PHLPP1: variants seen among roughly 807,000 people sequenced by gnomAD.
The protein encoded by PHLPP1 is PH domain and leucine rich repeat protein phosphatase 1, also known as PH domain leucine-rich repeat-containing protein phosphatase 1.
PHLPP1 carries 42 observed loss-of-function variants against 117.2 expected under a neutral mutation model. The observed-to-expected ratio is 0.36, with a 90% confidence interval of 0.28 to 0.46. PHLPP1 has a LOEUF of 0.46. PHLPP1 is among the 20% of genes least tolerant of loss of function. The pLI is 1.00. For missense variants in PHLPP1, 2,084 were observed against 2,241.9 expected (o/e 0.93, Z 1.42); for synonymous variants, 1,042 against 970.7 (o/e 1.07, Z -1.37).
chr18:62,912,971 A>T (rs1366214461), intron 8 of PHLPP1, among the ~76,000 whole-genome samples: 1 of 152,232 alleles, frequency 6.6e-6, no homozygotes, highest in Non-Finnish European at 1.5e-5. Context: ...TTTTAAAAAC[A>T]GTGTAATCAG....
At chr18:62,787,619 A>G (rs1176176353) in intron 1 of PHLPP1, among the ~76,000 whole-genome samples, 2 of 152,184 alleles carry the variant, frequency 1.3e-5, no homozygotes, top group African/African-American at 4.8e-5. Context: ...TCCCATTTAC[A>G]GTTTCTTTCT....
intron 14 of PHLPP1, among the ~76,000 whole-genome samples, chr18:62,967,007 C>T (rs984103929): frequency 1.3e-5 from 2 of 152,188 alleles, no homozygotes; most frequent in African/African-American, 2.4e-5. Context: ...TTTCCCATCA[C>T]ATAATGCGTT....
At chr18:62,788,647 A>G (rs1913368630) in intron 1 of PHLPP1, among the ~76,000 whole-genome samples, 1 of 152,118 alleles carries the variant, frequency 6.6e-6, no homozygotes, top group Non-Finnish European at 1.5e-5. Flanking sequence ...AAACTTGTAC[A>G]TCTTATGTTT....
rs114772560 is a variant in PHLPP1 at position 62,976,976 on chromosome 18, C to T, written c.3985-1286C>T. ...AGCCCATGGTGGAAGCTTCATTGCT[C>T]ATGAATCACAAAACCATTGGTTTTG... On this transcript the variant is annotated intron_variant, in intron 16 of 16. Transcript: ENST00000262719. 5.4e-3 allele frequency among the ~76,000 whole-genome samples: 820 copies of T among 152,236 alleles called. 14 individuals are homozygous for T. The highest frequency in any genetic ancestry group is 0.019 in the African/African-American group (776 of 41,530).
At chr18:62,903,469 A>G (rs1217792971) in intron 7 of PHLPP1, among the ~76,000 whole-genome samples, 1 of 152,198 alleles carries the variant, frequency 6.6e-6, no homozygotes, top group Non-Finnish European at 1.5e-5. Flanking sequence ...CATTACCAAG[A>G]TCTAGAGATC....
intron 1 of PHLPP1, among the ~76,000 whole-genome samples, chr18:62,801,014 TCCCTCCC>T: frequency 5.2e-4 from 1 of 1,918 alleles, no homozygotes; most frequent in Non-Finnish European, 1.8e-3. Context: ...CTTCCTTCCC[TCCCTCCC>T]TCCCTCCCTC....
At chr18:62,778,790 CTG>C (rs1230313647) in intron 1 of PHLPP1, among the ~76,000 whole-genome samples, 1 of 152,102 alleles carries the variant, frequency 6.6e-6, no homozygotes, top group Non-Finnish European at 1.5e-5. Flanking sequence ...TGTGGAGTAA[CTG>C]TTAGTTTATT....
intron 4 of PHLPP1, among the ~76,000 whole-genome samples, chr18:62,879,895 C>T (rs1164388021): frequency 3.9e-5 from 6 of 151,968 alleles, no homozygotes; most frequent in South Asian, 2.1e-4. Flanking sequence ...CTTCCAGTCC[C>T]CCTCTGTCTA....
chr18:62,933,836 G>A (rs1321710646), intron 10 of PHLPP1, among the ~76,000 whole-genome samples: 1 of 152,084 alleles, frequency 6.6e-6, no homozygotes, highest in African/African-American at 2.4e-5. Context: ...GAAAATATTT[G>A]CAAACTATGC....
chr18:62,963,595 C>T (rs1326494660), intron 14 of PHLPP1, 123 bp downstream of exon 14: 9 of 644,130 alleles, frequency 1.4e-5, no homozygotes, highest in Non-Finnish European at 2.2e-5. Flanking sequence ...TTGAGTATTG[C>T]AAGTTTCCCC....
intron 1 of PHLPP1, among the ~76,000 whole-genome samples, chr18:62,771,806 C>T (rs1423138368): frequency 6.6e-6 from 1 of 152,200 alleles, no homozygotes; most frequent in East Asian, 1.9e-4. Context: ...GTTAAGAATG[C>T]ACACTACTCT....
intron 1 of PHLPP1, among the ~76,000 whole-genome samples, chr18:62,829,362 A>G (rs1914693986): frequency 6.6e-6 from 1 of 152,254 alleles, no homozygotes; most frequent in South Asian, 2.1e-4. Flanking sequence ...ATCTCAGGCT[A>G]TAATACTTTC....
At chr18:62,843,565 G>A (rs1915105393) in intron 3 of PHLPP1, among the ~76,000 whole-genome samples, 1 of 152,178 alleles carries the variant, frequency 6.6e-6, no homozygotes, top group African/African-American at 2.4e-5. Context: ...ACCCAAGGCA[G>A]TCTCTTTAGA....
At chr18:62,872,440 C>T (rs990765620) in intron 4 of PHLPP1, among the ~76,000 whole-genome samples, 1 of 152,040 alleles carries the variant, frequency 6.6e-6, no homozygotes, top group Non-Finnish European at 1.5e-5. Context: ...GGCTTATAAT[C>T]CCAGCACTTT....
chr18:62,900,433 C>CTTTTTTTTTTTTTTTTT lies in PHLPP1; in HGVS notation c.2445-2519_2445-2503dup, dbSNP rs774225759. 9.2e-5 allele frequency among the ~76,000 whole-genome samples: 5 copies of CTTTTTTTTTTTTTTTTT among 54,258 alleles called. 1 individual carries two copies. Among genetic ancestry groups the CTTTTTTTTTTTTTTTTT allele is most frequent in the Non-Finnish European group, 1.0e-4 (3 of 30,070 alleles). The allele number at this position is 54,258 out of a possible 152,430, so 35.6% of individuals were successfully genotyped here. A position where few individuals can be genotyped will look rare whatever the true frequency, so the allele number is the denominator to read the frequency against. On this transcript the variant is annotated intron_variant, in intron 6 of 16. Coordinates refer to ENST00000262719, the MANE Select transcript of PHLPP1 (RefSeq NM_194449.4). ...GTATTCTTGTTTTTTCTTTTTCTTT[C>CTTTTTTTTTTTTTTTTT]TTTTTTTTTTTTTTTTTTTTTTTTT...
intron 3 of PHLPP1, among the ~76,000 whole-genome samples, chr18:62,859,794 T>C (rs779127505): frequency 1.3e-5 from 2 of 152,348 alleles, no homozygotes; most frequent in South Asian, 4.1e-4. Context: ...TGGAGGAGAT[T>C]ACTGATATCA....
At chr18:62,849,170 GCTTT>G (rs1166240243) in intron 3 of PHLPP1, among the ~76,000 whole-genome samples, 2 of 152,184 alleles carry the variant, frequency 1.3e-5, no homozygotes, top group Non-Finnish European at 2.9e-5. Context: ...AATCTGAGAT[GCTTT>G]CTGAGTCATT....
intron 14 of PHLPP1, 82 bp downstream of exon 14, chr18:62,963,554 G>A: frequency 1.2e-6 from 1 of 847,554 alleles, no homozygotes; most frequent in Admixed American, 2.4e-5. Context: ...ACTCAGTGCT[G>A]TAGCACACAC....
intron 10 of PHLPP1, among the ~76,000 whole-genome samples, chr18:62,928,351 C>T (rs1909708128): frequency 6.6e-6 from 1 of 151,916 alleles, no homozygotes; most frequent in African/African-American, 2.4e-5. Context: ...AAAATATGCT[C>T]ACAGGATTTG....
Sources: allele counts gnomAD v4.1 joint callset (sites outside exome capture counted in the v4.1 genomes callset), GRCh38; gene constraint gnomAD v4.1.1; transcripts MANE v1.5; gene names NCBI Gene and HGNC (gene_info 2026-07-23, HGNC 2026-07-21).